The following LNX1 variants were observed in gnomAD, a reference collection of about 807,000 sequenced individuals.
LNX1 encodes the protein ligand of numb-protein X 1, also known as E3 ubiquitin-protein ligase LNX.
In LNX1, 54 loss-of-function variants were observed where a neutral mutation model predicts 68.4. That is an observed-to-expected ratio of 0.79 (90% confidence interval 0.63 to 0.99). LNX1 has a LOEUF of 0.99. LNX1 is among the 50% of genes least tolerant of loss of function. LNX1 has a pLI of 0.00. For synonymous variants in LNX1, 336 were observed against 350.0 expected, an observed-to-expected ratio of 0.96 and a Z score of 0.45; for missense variants, 906 against 926.4, an observed-to-expected ratio of 0.98 and a Z score of 0.29.
At chr4:53,630,485 T>A (rs749481532) in intron 1 of LNX1, among the ~76,000 whole-genome samples, 3 of 152,082 alleles carry the variant, frequency 2.0e-5, no homozygotes, top group Non-Finnish European at 1.5e-5. Context: ...TAGTGCCACT[T>A]TTTTCTTATT....
chr4:53,492,540 A>AGAGAGAGAGAGAGAGAGAGAGAGAGG, intron 6 of LNX1, among the ~76,000 whole-genome samples: 2 of 151,280 alleles, frequency 1.3e-5, no homozygotes, highest in Non-Finnish European at 1.5e-5. Context: ...AGAGAGAGAG[A>AGAGAGAGAGAGAGAGAGAGAGAGAGG]GAGTGGCATC....
At chr4:53,551,459 C>A in intron 2 of LNX1, among the ~76,000 whole-genome samples, 2 of 152,238 alleles carry the variant, frequency 1.3e-5, no homozygotes, top group Middle Eastern at 6.8e-3. Context: ...CTCAAGCATG[C>A]GCACTAAGAG....
intron 5 of LNX1, among the ~76,000 whole-genome samples, chr4:53,498,152 G>A (rs1401435913): frequency 6.6e-6 from 1 of 152,146 alleles, no homozygotes; most frequent in Non-Finnish European, 1.5e-5. Flanking sequence ...TTTATTTTCA[G>A]GGAGGGCCGT....
chr4:53,624,065 C>T (rs1311825945), intron 1 of LNX1, among the ~76,000 whole-genome samples: 6 of 152,140 alleles, frequency 3.9e-5, no homozygotes. Flanking sequence ...AGAGCTGGGC[C>T]CTCCATGACT....
chr4:53,468,032 A>G (rs1048130713), intron 9 of LNX1, among the ~76,000 whole-genome samples: 11 of 152,364 alleles, frequency 7.2e-5, no homozygotes, highest in African/African-American at 1.7e-4. Context: ...TCCAAGACAC[A>G]TAATTGTCAG....
At chr4:53,524,021 G>T (rs1727435491) in intron 2 of LNX1, among the ~76,000 whole-genome samples, 1 of 152,194 alleles carries the variant, frequency 6.6e-6, no homozygotes, top group Admixed American at 6.5e-5. Context: ...TCAATTTGAT[G>T]ACATAAAACT....
At chr4:53,463,814 T>TAA (rs1722403012) in intron 9 of LNX1, among the ~76,000 whole-genome samples, 3 of 152,074 alleles carry the variant, frequency 2.0e-5, no homozygotes, top group African/African-American at 2.4e-5. Context: ...CTCAAGAAGC[T>TAA]AAGTTTTTTT....
intron 2 of LNX1, among the ~76,000 whole-genome samples, chr4:53,525,833 TG>T (rs1190291094): frequency 6.6e-6 from 1 of 152,146 alleles, no homozygotes; most frequent in African/African-American, 2.4e-5. Flanking sequence ...GTGTTGGGGT[TG>T]GTGTGGGGAG....
chr4:53,602,200 G>T (rs1344567338), intron 2 of LNX1, among the ~76,000 whole-genome samples: 10 of 152,294 alleles, frequency 6.6e-5, no homozygotes, highest in African/African-American at 1.9e-4. Flanking sequence ...ATCCAAATCT[G>T]TGACCTTGAC....
rs181639712 is a variant in LNX1 at position 53,611,652 on chromosome 4, T to G, written c.-215+4865A>C. On this transcript the variant is annotated intron_variant, in intron 2 of 3. Coordinates refer to the LNX1 transcript ENST00000504299. ...GTAATTGTGGTTTTTACCACTAAAA[T>G]TGCAAAACTGCAATTACTTTTGCAC... is the stretch of plus-strand genomic sequence containing the variant. Among the ~76,000 whole-genome samples the G allele has an allele frequency of 3.3e-4, 51 of 152,240 alleles. No homozygotes were observed. The East Asian group carries it at 9.5e-3, about 28-fold the overall frequency.
intron 9 of LNX1, among the ~76,000 whole-genome samples, chr4:53,471,471 A>C (rs1723179387): frequency 6.6e-6 from 1 of 152,210 alleles, no homozygotes; most frequent in Admixed American, 6.5e-5. Context: ...CAATGGCAAC[A>C]AAAGCCAAAA....
rs201017055 is a variant in LNX1 at position 53,529,102 on chromosome 4, AACACACACAC to A, written c.381-20885_381-20876del. Among the ~76,000 whole-genome samples, 103 of 138,410 alleles carry A rather than the reference AACACACACAC, an allele frequency of 7.4e-4. 2 individuals carry two copies. In the East Asian group the frequency reaches 0.021, roughly 28 times the overall value. 90.8% of individuals were successfully genotyped at this position (138,410 alleles called of 152,430 possible). A position where few individuals can be genotyped will look rare whatever the true frequency, so the allele number is the denominator to read the frequency against. On this transcript the variant is annotated intron_variant, in intron 2 of 10. Transcript: ENST00000263925. ...CAATTACAGCTTAAGAGTCCTGACC[AACACACACAC>A]ACACACACACACACACACACACAAA...
chr4:53,640,020 G>C (rs1577823221), intron 1 of LNX1, among the ~76,000 whole-genome samples: 5 of 152,032 alleles, frequency 3.3e-5, no homozygotes, highest in Admixed American at 3.3e-4. Context: ...CTGGGCAACA[G>C]AGTGAGACTC....
intron 1 of LNX1, among the ~76,000 whole-genome samples, chr4:53,625,764 A>T (rs553999485): frequency 9.6e-4 from 146 of 152,240 alleles, no homozygotes; most frequent in Middle Eastern, 3.4e-3. Flanking sequence ...CCACGACTGC[A>T]TCACTGCACT....
chr4:53,535,174 G>A (rs887506497), intron 2 of LNX1, among the ~76,000 whole-genome samples: 9 of 152,298 alleles, frequency 5.9e-5, no homozygotes, highest in African/African-American at 1.2e-4. Context: ...AATCAAAGTC[G>A]TATGAGACTC....
In LNX1 at chr4:53,478,659, T is replaced by G; in HGVS notation, c.1569A>C (p.Ala523=). 6.2e-7 allele frequency: 1 copy of G among 1,614,108 alleles called. No individual in the cohort carries two copies. The highest frequency in any genetic ancestry group is 8.5e-7 in the Non-Finnish European group (1 of 1,179,984). ...CCCATTCTCTATGTGATGCTCCCCC[T>G]GCGACGGTCATGCCGAGAGATTCAC... The part of the protein sequence containing the change: ...DPGESLGMTV[A]GGASHREWDL... The change falls in exon 8 of 11, where the codon GCA becomes GCC. Residue 523 remains alanine, a synonymous_variant. Transcript: ENST00000263925.
intron 1 of LNX1, among the ~76,000 whole-genome samples, chr4:53,633,732 C>T (rs555997941): frequency 2.0e-5 from 3 of 152,174 alleles, no homozygotes; most frequent in Non-Finnish European, 4.4e-5. Flanking sequence ...CCTCATCCAT[C>T]TTCCTCCTCT....
chr4:53,461,355 C>A (rs991182776), intron 10 of LNX1, 80 bp downstream of exon 10: 4 of 1,139,244 alleles, frequency 3.5e-6, no homozygotes, highest in Non-Finnish European at 5.1e-6. Context: ...AAATACATGC[C>A]TTATCTCAAA....
chr4:53,459,699 T>TAACA lies in LNX1; in HGVS notation c.*1204_*1207dup. ...AAGAAAGGAATGTGAATGAGTCACTTAACAGGGAATCTAAAGAGCTGTGTT... is the reference window on the plus strand; with the variant it reads ...AAGAAAGGAATGTGAATGAGTCACTTAACAAACAGGGAATCTAAAGAGCTGTGTT... On this transcript the variant is annotated 3_prime_UTR_variant, in exon 11 of 11. Transcript: ENST00000263925. 2.0e-6 allele frequency: 1 copy of TAACA among 506,724 alleles called. No individual in the cohort carries two copies. The highest frequency in any genetic ancestry group is 3.5e-6 in the Non-Finnish European group (1 of 282,122). 31.4% of individuals were successfully genotyped at this position (506,724 alleles called of 1,614,324 possible).
Sources: allele counts gnomAD v4.1 joint callset (sites outside exome capture counted in the v4.1 genomes callset), GRCh38; gene constraint gnomAD v4.1.1; transcripts MANE v1.5; gene names NCBI Gene and HGNC (gene_info 2026-07-23, HGNC 2026-07-21).